KIF17: variants seen among roughly 807,000 people sequenced by gnomAD.
KIF17 encodes the protein kinesin-like protein KIF17.
KIF17 carries 80 observed loss-of-function variants against 96.8 expected under a neutral mutation model. The ratio of observed to expected loss-of-function variants is 0.83; its 90% CI spans 0.69 to 1.00. The LOEUF (loss-of-function observed/expected upper bound fraction) is 1.00, where lower values mean the gene tolerates loss of function less well. Among genes scored for constraint, KIF17 ranks in the 50% least tolerant of loss-of-function variants. KIF17 has a pLI of 0.00. For synonymous variants in KIF17, 567 were observed against 587.5 expected, an observed-to-expected ratio of 0.97 and a Z score of 0.51; for missense variants, 1,280 against 1,372.9, an observed-to-expected ratio of 0.93 and a Z score of 1.07.
chr1:20,696,780 C>G (rs1226645698), intron 6 of KIF17, among the ~76,000 whole-genome samples: 1 of 152,140 alleles, frequency 6.6e-6, no homozygotes, highest in Non-Finnish European at 1.5e-5. Flanking sequence ...CTGTGTGACT[C>G]CATGCCCACT....
chr1:20,676,351 T>C (rs1353451943), intron 11 of KIF17, among the ~76,000 whole-genome samples: 3 of 152,132 alleles, frequency 2.0e-5, no homozygotes, highest in African/African-American at 7.2e-5. Flanking sequence ...AAATTTACAA[T>C]TTATATCACA....
intron 2 of KIF17, 41 bp downstream of exon 2, chr1:20,715,452 T>C: frequency 6.2e-7 from 1 of 1,605,608 alleles, no homozygotes; most frequent in Non-Finnish European, 8.5e-7. Flanking sequence ...TGGGCCCAGC[T>C]GCAGCTCTGG....
At chr1:20,682,992 A>C in intron 10 of KIF17, 108 bp from the exon 11 acceptor site, 5 of 883,350 alleles carry the variant, frequency 5.7e-6, no homozygotes, top group Non-Finnish European at 7.1e-6. Context: ...CCTTCCAACA[A>C]CCCCACTTCA....
At chr1:20,712,902 T>TATAATATAG (rs2054499533) in intron 3 of KIF17, among the ~76,000 whole-genome samples, 2 of 109,402 alleles carry the variant, frequency 1.8e-5, no homozygotes, top group African/African-American at 7.5e-5. Flanking sequence ...TAATATTATC[T>TATAATATAG]ATATTATATA....
chr1:20,715,666 TGCTCAGTGGAGCAG>T lies in KIF17; in HGVS notation c.232-41_232-28del, dbSNP rs765886206. 1.3e-5 allele frequency: 21 copies of T among 1,613,424 alleles called. No homozygotes were observed. In the South Asian group the frequency reaches 2.2e-4, roughly 17 times the overall value. On this transcript the variant is annotated intron_variant, in intron 1 of 14. Coordinates refer to ENST00000400463, the MANE Select transcript of KIF17 (RefSeq NM_001122819.3). ...TGCATGGGAGGAAGGCAGGACCCCG[TGCTCAGTGGAGCAG>T]GCACAGCAGGGCTCGGGACAGGGCT...
At chr1:20,661,751 G>A (rs1161101744), downstream of KIF17, among the ~76,000 whole-genome samples, 1 of 152,282 alleles carries the variant, frequency 6.6e-6, no homozygotes. Context: ...TCGCGTCCTG[G>A]ACAGGGTGTT....
intron 13 of KIF17, among the ~76,000 whole-genome samples, chr1:20,670,182 G>A (rs61270096): frequency 3.3e-5 from 5 of 152,080 alleles, no homozygotes; most frequent in Admixed American, 6.6e-5. Context: ...ATGGGCCACC[G>A]AACCATCTAC....
At chr1:20,673,884 C>T (rs2053692085) in intron 11 of KIF17, among the ~76,000 whole-genome samples, 1 of 151,670 alleles carries the variant, frequency 6.6e-6, no homozygotes, top group South Asian at 2.1e-4. Context: ...GTATAATAAT[C>T]ATTATATGTT....
At chr1:20,703,762 T>C (rs1435566009) in intron 5 of KIF17, among the ~76,000 whole-genome samples, 1 of 152,018 alleles carries the variant, frequency 6.6e-6, no homozygotes. Flanking sequence ...CCAAGTATTT[T>C]GTGTTCCCTT....
rs1384584895 is a variant in KIF17 at position 20,699,430 on chromosome 1, G to T, written c.1124-942C>A. ...AAAATACAAAAATTAGCTAGGCATGGTGGCGGGAGCCTGTAATCCCAGCTA... is the reference window on the plus strand; with the variant it reads ...AAAATACAAAAATTAGCTAGGCATGTTGGCGGGAGCCTGTAATCCCAGCTA... On this transcript the variant is annotated intron_variant, in intron 5 of 14. Coordinates refer to ENST00000400463, the MANE Select transcript of KIF17 (RefSeq NM_001122819.3). This position sits in a 1 kb window ranked among gnomAD's most constrained non-coding sequence, Gnocchi z 4.3. Among the ~76,000 whole-genome samples the T allele has an allele frequency of 6.6e-6, 1 of 152,186 alleles. No individual in the cohort carries two copies. The highest frequency in any genetic ancestry group is 2.4e-5 in the African/African-American group (1 of 41,450).
intron 6 of KIF17, among the ~76,000 whole-genome samples, chr1:20,692,166 C>T (rs927133413): frequency 5.3e-5 from 8 of 152,220 alleles, no homozygotes; most frequent in Admixed American, 3.9e-4. Context: ...CTATGATGCA[C>T]ATTTGGGGAC....
In KIF17 at chr1:20,687,817, C is replaced by A. The variant is rs540680062; in HGVS notation, c.1509G>T (p.Thr503=). ...CATCGTCACTGGGCAGAGTGTCAGTCGTGGAGAAGACCTTGGGTTTCACCA... is the reference window on the plus strand; with the variant it reads ...CATCGTCACTGGGCAGAGTGTCAGTAGTGGAGAAGACCTTGGGTTTCACCA... ...ETVVKPKVFS[T]TDTLPSDDVS... Residue 503 remains threonine (T), a synonymous_variant, in exon 8 of 15, where the codon ACG becomes ACT. Coordinates refer to ENST00000400463, the MANE Select transcript of KIF17 (RefSeq NM_001122819.3). This position sits in a 1 kb window ranked among gnomAD's most constrained non-coding sequence, Gnocchi z 4.4. The A allele has an allele frequency of 3.1e-6, 5 of 1,614,026 alleles. No homozygotes were observed. The highest frequency in any genetic ancestry group is 4.2e-6 in the Non-Finnish European group (5 of 1,180,034).
At position 20,672,096 on chromosome 1, in the gene KIF17, A is replaced by T. The variant is rs767006007; in HGVS notation, c.2564T>A (p.Met855Lys). 6 of 1,614,090 alleles carry T rather than the reference A, an allele frequency of 3.7e-6. No homozygotes were observed. Among genetic ancestry groups the T allele is most frequent in the Non-Finnish European group, 8.5e-7 (1 of 1,180,046 alleles). The change falls in exon 12 of 15, where the codon ATG becomes AAG. Residue 855 changes from methionine (M) to lysine (K), a missense_variant. Coordinates refer to ENST00000400463, the MANE Select transcript of KIF17 (RefSeq NM_001122819.3). The surrounding 1 kb of genome is among the most constrained non-coding windows in gnomAD (Gnocchi z 4.3). ...CTGCTCCAGGAGCTGCTGCAAGAGC[A>T]TGGAGTCACGCTCCTGCCGGCGGAT... ...ATIRRQERDS[M>K]LLQQLLEQVQ... is the part of the protein sequence containing the mutation.
intron 5 of KIF17, 69 bp from the exon 6 acceptor site, chr1:20,698,557 T>G: frequency 1.9e-6 from 2 of 1,028,328 alleles, no homozygotes; most frequent in Non-Finnish European, 3.0e-6. Context: ...AGCAGAAATC[T>G]ATAAAAAGAC....
intron 1 of KIF17, chr1:20,717,224 G>T: frequency 1.8e-6 from 1 of 540,656 alleles, no homozygotes; most frequent in African/African-American, 1.9e-5. Context: ...AGCTACTTGG[G>T]AGGCTGAGGC....
At chr1:20,668,612 T>C (rs1306330240) in intron 13 of KIF17, among the ~76,000 whole-genome samples, 2 of 152,166 alleles carry the variant, frequency 1.3e-5, no homozygotes, top group Non-Finnish European at 2.9e-5. Context: ...AGATGTTTGG[T>C]TGGAATTCAT....
intron 1 of KIF17, among the ~76,000 whole-genome samples, chr1:20,716,391 G>A (rs988005803): frequency 6.6e-6 from 1 of 152,386 alleles, no homozygotes; most frequent in African/African-American, 2.4e-5. Context: ...TGCAATGCAG[G>A]GAGCTGGACA....
At chr1:20,663,024 T>C (rs1214275929), downstream of KIF17, among the ~76,000 whole-genome samples, 1 of 151,984 alleles carries the variant, frequency 6.6e-6, no homozygotes. Context: ...GGTCAGGAGT[T>C]CGTGACCAGC....
chr1:20,684,002 C>T lies in KIF17; in HGVS notation c.2231+807G>A, dbSNP rs139685612. Among the ~76,000 whole-genome samples, 278 of 152,394 alleles carry T rather than the reference C, an allele frequency of 1.8e-3. 2 individuals are homozygous for T. The Middle Eastern group carries it at 0.024, about 13-fold the overall frequency. On this transcript the variant is annotated intron_variant, in intron 10 of 14. Coordinates refer to ENST00000400463, the MANE Select transcript of KIF17 (RefSeq NM_001122819.3). The stretch of plus-strand genomic sequence containing the variant: ...CTGCGTGCCCAGCGCGGGGCTGCCA[C>T]GCTGCAGGCAATGCCCATTTTGACC...
Sources: gnomAD v4.1 joint callset for allele counts (sites outside exome capture counted in the v4.1 genomes callset) on GRCh38, gnomAD v4.1.1 for gene constraint, Gnocchi (gnomAD v3.1) non-coding constraint, MANE v1.5 for transcripts, NCBI Gene and HGNC (gene_info 2026-07-23, HGNC 2026-07-21) for gene names.